The following EDARADD variants were observed in gnomAD, a reference collection of about 807,000 sequenced individuals.
EDARADD encodes the protein ectodysplasin-A receptor-associated adapter protein.
A neutral mutation model predicts 25.6 loss-of-function variants in EDARADD; 20 were observed. The observed-to-expected ratio is 0.78, with a 90% CI of 0.55 to 1.14. The LOEUF is 1.14. Among genes scored for constraint, EDARADD ranks in the 50% most tolerant of loss-of-function variants. EDARADD has a pLI of 0.00. For synonymous variants in EDARADD, 86 were observed against 94.4 expected (o/e 0.91, Z 0.52); for missense variants, 225 against 270.1 (o/e 0.83, Z 1.17).
At chr1:236,381,396 G>A (rs1043336098) in intron 3 of EDARADD, among the ~76,000 whole-genome samples, 4 of 151,552 alleles carry the variant, frequency 2.6e-5, no homozygotes, top group African/African-American at 7.3e-5. Flanking sequence ...ACAACGTGCA[G>A]GTTTGTTACA....
At chr1:236,378,532 A>C (rs918739137) in intron 3 of EDARADD, among the ~76,000 whole-genome samples, 3 of 152,126 alleles carry the variant, frequency 2.0e-5, no homozygotes, top group Non-Finnish European at 4.4e-5. Flanking sequence ...TTGCCCTATG[A>C]CCTTACTTCT....
At chr1:236,478,876 G>A (rs12732513) in intron 5 of EDARADD, among the ~76,000 whole-genome samples, 29,185 of 152,186 alleles carry the variant, frequency 0.19, 3,338 homozygotes, top group Non-Finnish European at 0.26. Context: ...GTGAGCCACC[G>A]CGCCCAGCGA....
chr1:236,454,816 T>C (rs527808205), intron 4 of EDARADD, among the ~76,000 whole-genome samples: 1 of 152,206 alleles, frequency 6.6e-6, no homozygotes, highest in East Asian at 1.9e-4. Context: ...TAGGGAGATA[T>C]AGACTTTTCC....
At chr1:236,440,482 G>A (rs1658369559) in intron 4 of EDARADD, among the ~76,000 whole-genome samples, 1 of 152,064 alleles carries the variant, frequency 6.6e-6, no homozygotes, top group South Asian at 2.1e-4. Flanking sequence ...TGACAACATT[G>A]AGCCCTCCTA....
chr1:236,468,187 A>C lies in EDARADD; in HGVS notation c.220-44A>C, dbSNP rs1264672641. On this transcript the variant is annotated intron_variant, in intron 4 of 5. Coordinates refer to ENST00000334232, the MANE Select transcript of EDARADD (RefSeq NM_145861.4). The stretch of plus-strand genomic sequence containing the variant: ...TGGAAGATTGATAATATCTCCATTC[A>C]CATTTGGATATGATTTTAATGAAGG... 2.5e-6 allele frequency: 4 copies of C among 1,581,514 alleles called. No homozygotes were observed. The Admixed American group carries it at 5.0e-5, about 20-fold the overall frequency.
chr1:236,399,611 C>T (rs1414642350), intron 1 of EDARADD, among the ~76,000 whole-genome samples: 1 of 152,212 alleles, frequency 6.6e-6, no homozygotes, highest in Non-Finnish European at 1.5e-5. Flanking sequence ...CTGTGTCTCT[C>T]CCACTGAGAA....
At chr1:236,427,512 G>A (rs1287392901) in intron 4 of EDARADD, 62 bp downstream of exon 4, 25 of 1,447,782 alleles carry the variant, frequency 1.7e-5, no homozygotes, top group Non-Finnish European at 2.2e-5. Flanking sequence ...AAAATTTTTT[G>A]AGATTTATAG....
chr1:236,407,008 T>A (rs1667750900), intron 1 of EDARADD, among the ~76,000 whole-genome samples: 1 of 152,210 alleles, frequency 6.6e-6, no homozygotes, highest in Non-Finnish European at 1.5e-5. Flanking sequence ...AATCTGAGTG[T>A]GTATTGCACT....
chr1:236,427,645 T>C (rs1657960583), intron 4 of EDARADD, among the ~76,000 whole-genome samples, 195 bp downstream of exon 4: 1 of 152,150 alleles, frequency 6.6e-6, no homozygotes, highest in Admixed American at 6.5e-5. Context: ...ATAAATATTA[T>C]AGCTTTCATT....
chr1:236,364,821 A>G (rs985622186), intron 3 of EDARADD, among the ~76,000 whole-genome samples: 1 of 152,348 alleles, frequency 6.6e-6, no homozygotes, highest in Admixed American at 6.5e-5. Context: ...CATAGATATC[A>G]TGACATCTAT....
intron 3 of EDARADD, among the ~76,000 whole-genome samples, chr1:236,365,461 A>G (rs968933333): frequency 6.6e-6 from 1 of 151,972 alleles, no homozygotes; most frequent in Non-Finnish European, 1.5e-5. Flanking sequence ...GCACCCAACC[A>G]ATTTTTAAAT....
intron 4 of EDARADD, among the ~76,000 whole-genome samples, chr1:236,451,409 A>G (rs548995259): frequency 1.3e-5 from 2 of 152,196 alleles, no homozygotes; most frequent in South Asian, 4.1e-4. Flanking sequence ...CATCCAGTTC[A>G]AAGCTTCCTT....
intron 3 of EDARADD, among the ~76,000 whole-genome samples, chr1:236,370,247 C>T (rs918831814): frequency 6.6e-6 from 1 of 151,974 alleles, no homozygotes; most frequent in African/African-American, 2.4e-5. Context: ...ATGGTGAAAC[C>T]CCCTCTCTAC....
At chr1:236,386,442 G>A (rs1426958212) in intron 3 of EDARADD, among the ~76,000 whole-genome samples, 5 of 27,110 alleles carry the variant, frequency 1.8e-4, no homozygotes, top group Admixed American at 5.9e-4. Context: ...ATCTCCGCCC[G>A]GCCGCCATCC....
chr1:236,417,717 G>GAAAATGTGACTGTTCACATTTTCGAGAGA (rs1657675468), intron 3 of EDARADD, among the ~76,000 whole-genome samples: 2 of 151,914 alleles, frequency 1.3e-5, no homozygotes, highest in Non-Finnish European at 2.9e-5. Context: ...TTGTTCTGAA[G>GAAAATGTGACTGTTCACATTTTCGAGAGA]AAAATGTGAC....
At chr1:236,360,361 T>A (rs1191057894) in intron 3 of EDARADD, among the ~76,000 whole-genome samples, 1 of 151,460 alleles carries the variant, frequency 6.6e-6, no homozygotes. Flanking sequence ...TTCAGGTACT[T>A]AGGAGACTAG....
At chr1:236,452,510 C>CTG (rs1484740179) in intron 4 of EDARADD, among the ~76,000 whole-genome samples, 4 of 151,758 alleles carry the variant, frequency 2.6e-5, no homozygotes, top group African/African-American at 9.6e-5. Context: ...CCCTCTCTCT[C>CTG]TCTCTTTCTT....
At chr1:236,437,152 A>T (rs1447267942) in intron 4 of EDARADD, among the ~76,000 whole-genome samples, 1 of 152,216 alleles carries the variant, frequency 6.6e-6, no homozygotes, top group Non-Finnish European at 1.5e-5. Flanking sequence ...CAAGTACACT[A>T]AGAAAATCCC....
chr1:236,414,210 A>C (rs1657575066), intron 2 of EDARADD, 50 bp from the exon 3 acceptor site: 1 of 1,488,762 alleles, frequency 6.7e-7, no homozygotes, highest in African/African-American at 1.4e-5. Flanking sequence ...TTTCACTTTG[A>C]TCTTACATGG....
Sources: gnomAD v4.1 joint callset for allele counts (sites outside exome capture counted in the v4.1 genomes callset) on GRCh38, gnomAD v4.1.1 for gene constraint, MANE v1.5 for transcripts, NCBI Gene and HGNC (gene_info 2026-07-23, HGNC 2026-07-21) for gene names.